The following B4GALT1 variants were observed in gnomAD, a reference collection of about 807,000 sequenced individuals.
B4GALT1 encodes beta-1,4-galactosyltransferase 1.
B4GALT1 carries 16 observed loss-of-function variants against 34.9 expected under a neutral mutation model. The observed-to-expected ratio is 0.46, with a 90% CI of 0.31 to 0.70. B4GALT1 has a LOEUF of 0.70. Among genes scored for constraint, B4GALT1 ranks in the 30% least tolerant of loss-of-function variants. The probability of loss-of-function intolerance (pLI) is 0.05; values close to 1 mark genes in which losing one functional copy is unlikely to be tolerated. For missense variants in B4GALT1, 445 were observed against 530.5 expected, an observed-to-expected ratio of 0.84 and a Z score of 1.58; for synonymous variants, 221 against 218.1, an observed-to-expected ratio of 1.01 and a Z score of -0.12.
chr9:33,135,453 G>A (rs1587737952), intron 1 of B4GALT1, 29 bp from the exon 2 acceptor site: 1 of 1,604,198 alleles, frequency 6.2e-7, no homozygotes. Flanking sequence ...GGAGAAGTTA[G>A]CAGGCCACAG....
In B4GALT1 at chr9:33,112,264, A is replaced by AC. The variant is rs926932396; in HGVS notation, c.*1189dup. The AC allele has an allele frequency of 6.6e-6, 1 of 151,954 alleles. No homozygotes were observed. The highest frequency in any genetic ancestry group is 1.5e-5 in the Non-Finnish European group (1 of 67,992). The allele number at this position is 151,954 out of a possible 1,614,324, so 9.4% of individuals were successfully genotyped here. ...AACAACCTGACTGCTGTTATTTACA[A>AC]CCCCCCAGCCTAGGGGCCTGAGGGG... On this transcript the variant is annotated 3_prime_UTR_variant, in exon 6 of 6. Coordinates refer to ENST00000379731, the MANE Select transcript of B4GALT1 (RefSeq NM_001497.4).
intron 4 of B4GALT1, among the ~76,000 whole-genome samples, chr9:33,115,093 T>C (rs1253206274): frequency 6.6e-6 from 1 of 152,256 alleles, no homozygotes; most frequent in African/African-American, 2.4e-5. Flanking sequence ...ATGCAGCAGA[T>C]GTTCAATGTG....
At chr9:33,143,609 G>A (rs1256984332) in intron 1 of B4GALT1, among the ~76,000 whole-genome samples, 1 of 152,226 alleles carries the variant, frequency 6.6e-6, no homozygotes, top group South Asian at 2.1e-4. Flanking sequence ...CAGGGGCCCA[G>A]GAATCTGCAT....
At chr9:33,107,152 C>T (rs370878633), downstream of B4GALT1, among the ~76,000 whole-genome samples, 41 of 152,300 alleles carry the variant, frequency 2.7e-4, no homozygotes, top group Admixed American at 5.2e-4. Flanking sequence ...GGGTACAGGT[C>T]CTGAAGCCCA....
At chr9:33,139,719 C>T (rs903091544) in intron 1 of B4GALT1, among the ~76,000 whole-genome samples, 2 of 152,234 alleles carry the variant, frequency 1.3e-5, no homozygotes, top group Non-Finnish European at 2.9e-5. Flanking sequence ...TGCAGACCTG[C>T]GACCAGGTTT....
At chr9:33,152,196 C>T (rs969484317) in intron 1 of B4GALT1, among the ~76,000 whole-genome samples, 6 of 151,812 alleles carry the variant, frequency 4.0e-5, no homozygotes, top group East Asian at 1.9e-4. Flanking sequence ...CACAGCTTCT[C>T]GGGAAGCTGA....
intron 2 of B4GALT1, among the ~76,000 whole-genome samples, chr9:33,121,411 G>A (rs991110779): frequency 5.3e-5 from 8 of 152,116 alleles, no homozygotes; most frequent in Admixed American, 2.6e-4. Flanking sequence ...CACTGAGGCT[G>A]GAGTATAATG....
At chr9:33,156,911 T>C (rs1258318033) in intron 1 of B4GALT1, among the ~76,000 whole-genome samples, 1 of 152,174 alleles carries the variant, frequency 6.6e-6, no homozygotes. Context: ...TTACTTTCTG[T>C]AAACCAACTT....
chr9:33,183,941 C>T, the B4GALT1 span, among the ~76,000 whole-genome samples: 9 of 151,938 alleles, frequency 5.9e-5, no homozygotes, highest in African/African-American at 2.2e-4. Flanking sequence ...ACCGCATGTT[C>T]TCACTTGTTA....
chr9:33,176,317 T>A, the B4GALT1 span, among the ~76,000 whole-genome samples: 1 of 152,188 alleles, frequency 6.6e-6, no homozygotes, highest in Non-Finnish European at 1.5e-5. Context: ...ACAATTCTTG[T>A]AGGGGAAAAA....
At chr9:33,149,274 TTTTA>T (rs1564050274) in intron 1 of B4GALT1, among the ~76,000 whole-genome samples, 4 of 151,758 alleles carry the variant, frequency 2.6e-5, no homozygotes, top group African/African-American at 9.7e-5. Flanking sequence ...TAAAAAATTT[TTTTA>T]TTTATTTACT....
chr9:33,155,756 A>G (rs1840586032), intron 1 of B4GALT1, among the ~76,000 whole-genome samples: 1 of 152,188 alleles, frequency 6.6e-6, no homozygotes, highest in Non-Finnish European at 1.5e-5. Flanking sequence ...GAGGAATTTT[A>G]TATGTGGCCT....
downstream of B4GALT1, among the ~76,000 whole-genome samples, chr9:33,106,141 A>G (rs2481061): frequency 0.5 from 75,519 of 151,962 alleles, 19,801 homozygotes; most frequent in South Asian, 0.61. Flanking sequence ...GACTAACATC[A>G]GATCCAATTT....
intron 1 of B4GALT1, among the ~76,000 whole-genome samples, chr9:33,139,688 G>A (rs1347099891): frequency 2.6e-5 from 4 of 152,244 alleles, no homozygotes; most frequent in Non-Finnish European, 1.5e-5. Context: ...GGAAGGCAAC[G>A]ACTACCTCTG....
chr9:33,116,001 T>C lies in B4GALT1; in HGVS notation c.949A>G (p.Ile317Val). ...YWGWGGEDDD[I>V]FNRLVFRGMS... ...AGTTATGACCATTACCTGTTAAAAA[T>C]GTCATCATCTTCTCCTCCCCAGCCC... is the stretch of plus-strand genomic sequence containing the variant. The change falls in exon 4 of 6, where the codon ATT (isoleucine) becomes GTT (valine). Residue 317 changes from isoleucine (I) to valine (V), a missense_variant. Ile to Val is a conservative substitution (Grantham distance 29). This residue lies in a region of B4GALT1 where 89 missense variants were observed against 107.6 expected (regional missense o/e 0.83). Coordinates refer to ENST00000379731, the MANE Select transcript of B4GALT1 (RefSeq NM_001497.4). 6.2e-7 allele frequency: 1 copy of C among 1,611,708 alleles called. No individual in the cohort carries two copies. Among genetic ancestry groups the C allele is most frequent in the East Asian group, 2.2e-5 (1 of 44,800 alleles).
At chr9:33,153,767 T>G (rs556894175) in intron 1 of B4GALT1, among the ~76,000 whole-genome samples, 30 of 152,150 alleles carry the variant, frequency 2.0e-4, no homozygotes, top group African/African-American at 7.2e-4. Flanking sequence ...TGGTGAACGC[T>G]ACCAGATATT....
intron 2 of B4GALT1, among the ~76,000 whole-genome samples, chr9:33,122,329 G>A (rs566467210): frequency 6.6e-6 from 1 of 151,906 alleles, no homozygotes; most frequent in African/African-American, 2.4e-5. Flanking sequence ...ACCAGCCTGA[G>A]CAACATGGTG....
chr9:33,126,127 G>A (rs535254413), intron 2 of B4GALT1, among the ~76,000 whole-genome samples: 5 of 152,286 alleles, frequency 3.3e-5, no homozygotes, highest in Admixed American at 3.3e-4. Flanking sequence ...ACAGATCCGG[G>A]GGCAGGTCTG....
intron 1 of B4GALT1, among the ~76,000 whole-genome samples, chr9:33,137,394 A>C (rs1158888544): frequency 6.6e-6 from 1 of 152,204 alleles, no homozygotes; most frequent in East Asian, 1.9e-4. Context: ...GGGGCAGGGA[A>C]GAAGATCCTC....
Sources: gnomAD v4.1 joint callset for allele counts (sites outside exome capture counted in the v4.1 genomes callset) on GRCh38, gnomAD v4.1.1 for gene constraint, gnomAD v4.1.1 regional missense constraint, MANE v1.5 for transcripts, NCBI Gene and HGNC (gene_info 2026-07-23, HGNC 2026-07-21) for gene names.